Variants in PDE4D observed in about 807,000 individuals in gnomAD.
The protein encoded by PDE4D is phosphodiesterase 4D, also known as 3',5'-cyclic-AMP phosphodiesterase 4D.
Under a neutral mutation model 87.4 loss-of-function variants are expected in PDE4D, and 24 were observed. The observed-to-expected ratio is 0.27, with a 90% CI of 0.20 to 0.39. The LOEUF is 0.39. PDE4D is among the 10% of genes least tolerant of loss of function. The probability of loss-of-function intolerance (pLI) is 1.00; values close to 1 mark genes in which losing one functional copy is unlikely to be tolerated. For missense variants in PDE4D, 714 were observed against 1,041.0 expected, an observed-to-expected ratio of 0.69 and a Z score of 4.32; for synonymous variants, 384 against 383.2, an observed-to-expected ratio of 1.00 and a Z score of -0.02.
At chr5:59,188,573 T>C (rs1006189865) in intron 3 of PDE4D, among the ~76,000 whole-genome samples, 2 of 151,928 alleles carry the variant, frequency 1.3e-5, no homozygotes, top group African/African-American at 2.4e-5. Context: ...GGAAAATAAA[T>C]GGTTTCGAGG....
chr5:59,792,158 G>C (rs1307453445), intron 1 of PDE4D, among the ~76,000 whole-genome samples: 1 of 152,090 alleles, frequency 6.6e-6, no homozygotes, highest in Non-Finnish European at 1.5e-5. Flanking sequence ...GGCTTCCCTG[G>C]GGAGGAAACG....
intron 1 of PDE4D, among the ~76,000 whole-genome samples, chr5:59,280,712 T>C (rs994078261): frequency 2.0e-5 from 3 of 152,120 alleles, no homozygotes; most frequent in African/African-American, 4.8e-5. Flanking sequence ...TCCCAATTCA[T>C]ACACAAGAAT....
chr5:59,982,187 A>G (rs1761995470), intron 3 of PDE4D, among the ~76,000 whole-genome samples: 1 of 152,206 alleles, frequency 6.6e-6, no homozygotes, highest in Non-Finnish European at 1.5e-5. Context: ...AGTGATACGA[A>G]GGTACACAGT....
chr5:59,137,974 T>C (rs957252159), intron 5 of PDE4D, among the ~76,000 whole-genome samples: 5 of 152,236 alleles, frequency 3.3e-5, no homozygotes, highest in African/African-American at 1.2e-4. Flanking sequence ...ATTTCAATTA[T>C]TCCCAGTTGC....
intron 1 of PDE4D, among the ~76,000 whole-genome samples, chr5:59,487,240 A>G (rs1050038190): frequency 2.0e-5 from 3 of 152,084 alleles, no homozygotes; most frequent in Middle Eastern, 3.2e-3. Flanking sequence ...GAAATGCTTC[A>G]TGAGAAGGTA....
intron 1 of PDE4D, among the ~76,000 whole-genome samples, chr5:59,626,512 T>C (rs1023249538): frequency 1.3e-5 from 2 of 152,252 alleles, no homozygotes; most frequent in African/African-American, 2.4e-5. Context: ...AATTCTATTA[T>C]GTAATTTTAG....
In PDE4D at chr5:58,993,412, A is replaced by C. The variant is rs1748386474; in HGVS notation, c.975T>G (p.Ser325=). 14 of 1,601,346 alleles carry C rather than the reference A, an allele frequency of 8.7e-6. No homozygotes were observed. The highest frequency in any genetic ancestry group is 1.2e-5 in the Non-Finnish European group (14 of 1,174,728). The change falls in exon 7 of 15, where the codon TCT becomes TCG. Residue 325 remains serine, a synonymous_variant. Transcript: ENST00000340635. Reference sequence around the variant, plus strand: ...ATATAAACTCTGACACTTGATTTCCAGACCGACTCATTTCAGAGAGATGGG... The same window carrying C: ...ATATAAACTCTGACACTTGATTTCCCGACCGACTCATTTCAGAGAGATGGG... ...ELTHLSEMSR[S]GNQVSEFISN...
At chr5:59,061,722 T>A (rs577048856) in intron 5 of PDE4D, among the ~76,000 whole-genome samples, 1 of 152,152 alleles carries the variant, frequency 6.6e-6, no homozygotes, top group East Asian at 1.9e-4. Context: ...TATACTTGGG[T>A]AGAGAGGGAT....
intron 1 of PDE4D, among the ~76,000 whole-genome samples, chr5:59,304,180 G>T (rs1770819485): frequency 6.6e-6 from 1 of 151,934 alleles, no homozygotes; most frequent in Non-Finnish European, 1.5e-5. Flanking sequence ...TTGAGTTCTT[G>T]ATTTGATTCT....
intron 1 of PDE4D, among the ~76,000 whole-genome samples, chr5:60,228,633 G>A (rs969321999): frequency 2.0e-5 from 3 of 151,966 alleles, no homozygotes; most frequent in Admixed American, 6.6e-5. Context: ...CCAATTCTGG[G>A]TTTAAGGATT....
intron 1 of PDE4D, among the ~76,000 whole-genome samples, chr5:59,405,004 G>C (rs1582426100): frequency 1.3e-5 from 2 of 152,170 alleles, no homozygotes; most frequent in South Asian, 4.1e-4. Context: ...GTTATTTGAA[G>C]TCAGGTAATA....
intron 1 of PDE4D, among the ~76,000 whole-genome samples, chr5:59,536,162 A>T (rs545367454): frequency 6.6e-6 from 1 of 152,306 alleles, no homozygotes; most frequent in Admixed American, 6.5e-5. Context: ...TGGATACACG[A>T]AAATGGAATA....
chr5:60,447,078 G>T (rs1378684661), intron 1 of PDE4D, among the ~76,000 whole-genome samples: 1 of 152,098 alleles, frequency 6.6e-6, no homozygotes, highest in African/African-American at 2.4e-5. Flanking sequence ...TTCAGCACAG[G>T]AGCACTTGCA....
At chr5:59,805,498 C>T (rs1029723218) in intron 1 of PDE4D, among the ~76,000 whole-genome samples, 3 of 152,162 alleles carry the variant, frequency 2.0e-5, no homozygotes, top group Non-Finnish European at 4.4e-5. Context: ...ACAATTTGTG[C>T]ACCTGCATTT....
chr5:59,190,132 A>T (rs186494812), intron 3 of PDE4D, among the ~76,000 whole-genome samples: 14 of 152,338 alleles, frequency 9.2e-5, no homozygotes, highest in Admixed American at 1.3e-4. Flanking sequence ...GGACTCAGGC[A>T]TAAAGAAATG....
chr5:59,223,977 A>C (rs1753119798), intron 1 of PDE4D, among the ~76,000 whole-genome samples: 1 of 151,942 alleles, frequency 6.6e-6, no homozygotes, highest in Non-Finnish European at 1.5e-5. Flanking sequence ...TTGTTTTCAC[A>C]GATGATTTTT....
intron 1 of PDE4D, among the ~76,000 whole-genome samples, chr5:59,765,464 C>G (rs998539219): frequency 2.0e-5 from 3 of 152,178 alleles, no homozygotes; most frequent in East Asian, 1.9e-4. Flanking sequence ...AGATTAGCCA[C>G]CAGCACTTTA....
chr5:59,887,108 G>C (rs1444063419), intron 1 of PDE4D, among the ~76,000 whole-genome samples: 1 of 152,138 alleles, frequency 6.6e-6, no homozygotes, highest in East Asian at 1.9e-4. Context: ...AAAGTTAGGG[G>C]AGAGGAAGAG....
chr5:59,368,119 A>G (rs1235545367), intron 1 of PDE4D, among the ~76,000 whole-genome samples: 3 of 152,240 alleles, frequency 2.0e-5, no homozygotes, highest in African/African-American at 7.2e-5. Context: ...TATGGGTATG[A>G]GTAACACACA....
Sources: allele counts gnomAD v4.1 joint callset (sites outside exome capture counted in the v4.1 genomes callset), GRCh38; gene constraint gnomAD v4.1.1; transcripts MANE v1.5; gene names NCBI Gene and HGNC (gene_info 2026-07-23, HGNC 2026-07-21).